GPR158: variants seen among roughly 807,000 people sequenced by gnomAD.
GPR158 encodes metabotropic glycine receptor.
In GPR158, 30 loss-of-function variants were observed where a neutral mutation model predicts 78.2. The ratio of observed to expected loss-of-function variants is 0.38; its 90% CI spans 0.29 to 0.52. GPR158 has a LOEUF of 0.52. Ranked by LOEUF, GPR158 falls within the 20% of genes least tolerant of loss-of-function variation. The pLI is 0.83. For synonymous variants in GPR158, 581 were observed against 591.1 expected (o/e 0.98, Z 0.25); for missense variants, 1,463 against 1,523.5 (o/e 0.96, Z 0.66).
At chr10:25,345,358 C>A (rs1171067218) in intron 2 of GPR158, among the ~76,000 whole-genome samples, 1 of 151,900 alleles carries the variant, frequency 6.6e-6, no homozygotes, top group East Asian at 1.9e-4. Context: ...AGTTAACAGT[C>A]TTTGCAGTAC....
chr10:25,556,799 A>G (rs1279592065), intron 6 of GPR158, among the ~76,000 whole-genome samples: 1 of 152,204 alleles, frequency 6.6e-6, no homozygotes, highest in Non-Finnish European at 1.5e-5. Context: ...GAACAGCCAA[A>G]CATCTTAAAG....
At chr10:25,498,780 AG>A (rs1306975698) in intron 5 of GPR158, among the ~76,000 whole-genome samples, 1 of 152,164 alleles carries the variant, frequency 6.6e-6, no homozygotes, top group Non-Finnish European at 1.5e-5. Flanking sequence ...GGAGGTGAAT[AG>A]GGTTGCTCGC....
At chr10:25,434,348 T>C (rs1834967935) in intron 4 of GPR158, among the ~76,000 whole-genome samples, 1 of 152,214 alleles carries the variant, frequency 6.6e-6, no homozygotes, top group Non-Finnish European at 1.5e-5. Context: ...GAGGTACTTA[T>C]ATTTACTTAT....
chr10:25,384,424 T>C (rs16925652), intron 2 of GPR158, among the ~76,000 whole-genome samples: 211 of 152,304 alleles, frequency 1.4e-3, no homozygotes, highest in Non-Finnish European at 2.5e-3. Context: ...TGATTCTGAC[T>C]CATGAAGAAG....
chr10:25,309,711 C>T (rs1044626708), intron 2 of GPR158, among the ~76,000 whole-genome samples: 4 of 152,190 alleles, frequency 2.6e-5, no homozygotes, highest in Non-Finnish European at 4.4e-5. Context: ...TGGGTCTTTC[C>T]TGTGCTTCTC....
intron 4 of GPR158, among the ~76,000 whole-genome samples, chr10:25,436,773 A>G (rs1835003026): frequency 6.6e-6 from 1 of 152,202 alleles, no homozygotes; most frequent in African/African-American, 2.4e-5. Flanking sequence ...CAAGAATCTT[A>G]TTTGAGAAGG....
intron 3 of GPR158, among the ~76,000 whole-genome samples, chr10:25,407,167 C>T (rs1834525883): frequency 6.6e-6 from 1 of 152,044 alleles, no homozygotes; most frequent in Non-Finnish European, 1.5e-5. Flanking sequence ...TTCCTGGGGA[C>T]CAAGATGAAA....
intron 1 of GPR158, among the ~76,000 whole-genome samples, chr10:25,200,105 T>A (rs749237387): frequency 1.2e-4 from 19 of 152,224 alleles, no homozygotes; most frequent in Non-Finnish European, 2.5e-4. Context: ...CTTTCCACAA[T>A]GACTGGACTA....
At chr10:25,326,135 C>T (rs1855028540) in intron 2 of GPR158, among the ~76,000 whole-genome samples, 1 of 152,106 alleles carries the variant, frequency 6.6e-6, no homozygotes, top group Non-Finnish European at 1.5e-5. Context: ...GTGAGTTGTT[C>T]CTGCCCACAT....
rs150426048 is a variant in GPR158 at position 25,522,339 on chromosome 10, T to C, written c.1405-28637T>C. ...GGGAATGTAATAAATCGCCTGCTTT[T>C]AAAAAGCTCTGGACATCCATCTGAG... is the stretch of plus-strand genomic sequence containing the variant. On this transcript the variant is annotated intron_variant, in intron 5 of 10. Coordinates refer to ENST00000376351, the MANE Select transcript of GPR158 (RefSeq NM_020752.3). Among the ~76,000 whole-genome samples the C allele has an allele frequency of 4.9e-3, 743 of 152,326 alleles. 3 individuals carry two copies. Among genetic ancestry groups the C allele is most frequent in the African/African-American group, 0.017 (696 of 41,568 alleles).
rs146991600 is a variant in GPR158 at position 25,347,364 on chromosome 10, G to T, written c.1009-48547G>T. ...CTACTTCTAAGGACACATGTGATTA[G>T]CTCAGAATCCAGGATAATCTCTACA... On this transcript the variant is annotated intron_variant, in intron 2 of 10. Transcript: ENST00000376351. 3.3e-4 allele frequency among the ~76,000 whole-genome samples: 50 copies of T among 152,064 alleles called. No homozygotes were observed. The East Asian group carries it at 8.4e-3, about 25-fold the overall frequency.
At chr10:25,359,629 G>C (rs891615473) in intron 2 of GPR158, among the ~76,000 whole-genome samples, 1 of 152,080 alleles carries the variant, frequency 6.6e-6, no homozygotes, top group East Asian at 1.9e-4. Context: ...TGGTATATAC[G>C]TGCCACGTTT....
intron 3 of GPR158, among the ~76,000 whole-genome samples, chr10:25,399,162 G>A (rs1490894930): frequency 3.3e-5 from 5 of 152,152 alleles, no homozygotes; most frequent in African/African-American, 1.2e-4. Context: ...GTCGAGCGAA[G>A]GGGGAAGGCC....
intron 2 of GPR158, among the ~76,000 whole-genome samples, chr10:25,338,316 A>T (rs1438745655): frequency 6.7e-6 from 1 of 149,160 alleles, no homozygotes. Flanking sequence ...ATTTCTGTAT[A>T]AATTCTGTTG....
At chr10:25,489,328 A>G (rs1835773819) in intron 5 of GPR158, among the ~76,000 whole-genome samples, 2 of 152,096 alleles carry the variant, frequency 1.3e-5, no homozygotes, top group Admixed American at 1.3e-4. Context: ...TTTCTTATAT[A>G]TATTCAGTTT....
At chr10:25,261,431 A>G (rs1853966095) in intron 2 of GPR158, among the ~76,000 whole-genome samples, 1 of 152,122 alleles carries the variant, frequency 6.6e-6, no homozygotes, top group Admixed American at 6.6e-5. Context: ...CAAAATGTTC[A>G]GCTTGTTTTT....
intron 5 of GPR158, among the ~76,000 whole-genome samples, chr10:25,473,388 T>G (rs1345885672): frequency 2.0e-5 from 3 of 152,200 alleles, no homozygotes; most frequent in Non-Finnish European, 4.4e-5. Context: ...TGCATTGATG[T>G]TCATCAGGGA....
intron 1 of GPR158, among the ~76,000 whole-genome samples, chr10:25,186,872 A>G (rs1852695058): frequency 1.3e-5 from 2 of 151,994 alleles, no homozygotes; most frequent in South Asian, 4.1e-4. Flanking sequence ...AACTCATTTG[A>G]TGAGGCCAGT....
intron 4 of GPR158, among the ~76,000 whole-genome samples, chr10:25,440,501 A>G (rs78773968): frequency 3.8e-4 from 58 of 152,342 alleles, no homozygotes; most frequent in African/African-American, 1.4e-3. Flanking sequence ...AATACATCTG[A>G]CAGGGAGATA....
Sources: allele counts gnomAD v4.1 joint callset (sites outside exome capture counted in the v4.1 genomes callset), GRCh38; gene constraint gnomAD v4.1.1; transcripts MANE v1.5; gene names NCBI Gene and HGNC (gene_info 2026-07-23, HGNC 2026-07-21).